Variants in VTI1A observed in about 807,000 individuals in gnomAD.
The protein encoded by VTI1A is vesicle transport through interaction with t-SNAREs homolog 1A.
A neutral mutation model predicts 34.9 loss-of-function variants in VTI1A; 22 were observed. The observed-to-expected ratio is 0.63, with a 90% CI of 0.45 to 0.90. The LOEUF is 0.90. Among genes scored for constraint, VTI1A ranks in the 40% least tolerant of loss-of-function variants. The probability of loss-of-function intolerance (pLI) is 0.00; values close to 1 mark genes in which losing one functional copy is unlikely to be tolerated. For synonymous variants in VTI1A, 87 were observed against 97.3 expected, an observed-to-expected ratio of 0.89 and a Z score of 0.62; for missense variants, 268 against 275.6, an observed-to-expected ratio of 0.97 and a Z score of 0.20.
intron 7 of VTI1A, among the ~76,000 whole-genome samples, chr10:112,791,551 G>A (rs1264889941): frequency 6.6e-6 from 1 of 152,044 alleles, no homozygotes; most frequent in East Asian, 1.9e-4. Flanking sequence ...TCTAAACAAG[G>A]TATTTTTCTT....
chr10:112,512,508 CTG>C (rs1849647107), intron 3 of VTI1A, among the ~76,000 whole-genome samples: 1 of 152,126 alleles, frequency 6.6e-6, no homozygotes. Flanking sequence ...TCTCTTCACT[CTG>C]TTGATTATTT....
At chr10:112,505,887 A>T (rs970747255) in intron 3 of VTI1A, among the ~76,000 whole-genome samples, 1 of 152,018 alleles carries the variant, frequency 6.6e-6, no homozygotes, top group Non-Finnish European at 1.5e-5. Flanking sequence ...TATTTATTAA[A>T]ATTTTAGTTA....
At chr10:112,833,788 C>G in the VTI1A span, among the ~76,000 whole-genome samples, 1 of 152,124 alleles carries the variant, frequency 6.6e-6, no homozygotes, top group Non-Finnish European at 1.5e-5. Flanking sequence ...CTACTGGTGC[C>G]ATGTTCAATC....
intron 3 of VTI1A, among the ~76,000 whole-genome samples, chr10:112,468,742 A>G (rs1481566820): frequency 6.6e-6 from 1 of 151,962 alleles, no homozygotes; most frequent in East Asian, 1.9e-4. Flanking sequence ...GTCTATACTG[A>G]CTGGTATTTG....
intron 7 of VTI1A, among the ~76,000 whole-genome samples, chr10:112,689,840 T>C (rs954664492): frequency 6.6e-6 from 1 of 152,164 alleles, no homozygotes; most frequent in Admixed American, 6.5e-5. Flanking sequence ...TGCAGCTGTG[T>C]TGCCTTGCTC....
rs549471453 is a variant in VTI1A at position 112,556,140 on chromosome 10, G to A, written c.427+17810G>A. 1.3e-4 allele frequency among the ~76,000 whole-genome samples: 17 copies of A among 126,776 alleles called. No individual in the cohort carries two copies. The South Asian group carries it at 3.0e-3, about 22-fold the overall frequency. 83.2% of individuals were successfully genotyped at this position (126,776 alleles called of 152,430 possible). A position where few individuals can be genotyped will look rare whatever the true frequency, so the allele number is the denominator to read the frequency against. Reference sequence around the variant, plus strand: ...AATAATCTGTGTAGATTGAGGTTTCGCATACACTTTTCATGTGGATAAACA... The same window carrying A: ...AATAATCTGTGTAGATTGAGGTTTCACATACACTTTTCATGTGGATAAACA... On this transcript the variant is annotated intron_variant, in intron 5 of 7. Transcript: ENST00000393077.
chr10:112,842,725 C>T, the VTI1A span, among the ~76,000 whole-genome samples: 3 of 152,150 alleles, frequency 2.0e-5, no homozygotes, highest in Admixed American at 6.5e-5. Context: ...ACACAGAAAA[C>T]GGGGAGCAAA....
intron 3 of VTI1A, among the ~76,000 whole-genome samples, chr10:112,486,622 A>G (rs1228085121): frequency 6.6e-6 from 1 of 152,126 alleles, no homozygotes; most frequent in Non-Finnish European, 1.5e-5. Context: ...CACTGTACAC[A>G]ATAATCATTA....
chr10:112,530,515 G>A (rs1258842761), intron 4 of VTI1A, among the ~76,000 whole-genome samples: 1 of 152,118 alleles, frequency 6.6e-6, no homozygotes, highest in Non-Finnish European at 1.5e-5. Context: ...ACTGTTCCAA[G>A]CTTTGATTTT....
At chr10:112,547,140 C>T (rs1851161034) in intron 5 of VTI1A, among the ~76,000 whole-genome samples, 1 of 151,898 alleles carries the variant, frequency 6.6e-6, no homozygotes, top group African/African-American at 2.4e-5. Flanking sequence ...ATTAGCTGTT[C>T]ATAATGGCAT....
chr10:112,813,007 G>T (rs1322347514), intron 7 of VTI1A, among the ~76,000 whole-genome samples: 2 of 152,138 alleles, frequency 1.3e-5, no homozygotes, highest in Non-Finnish European at 2.9e-5. Context: ...ATTCTTTCAC[G>T]ATCACTCTTT....
intron 4 of VTI1A, among the ~76,000 whole-genome samples, chr10:112,534,647 A>G (rs1176443134): frequency 2.0e-5 from 3 of 152,150 alleles, no homozygotes; most frequent in South Asian, 4.1e-4. Context: ...AATGAAGGGG[A>G]AAAATATACA....
At chr10:112,648,245 A>T (rs1846879167) in intron 5 of VTI1A, among the ~76,000 whole-genome samples, 2 of 152,208 alleles carry the variant, frequency 1.3e-5, no homozygotes, top group African/African-American at 4.8e-5. Context: ...AAACCTATCC[A>T]TTCTCCTTCC....
intron 7 of VTI1A, among the ~76,000 whole-genome samples, chr10:112,776,855 T>C (rs1851968720): frequency 6.6e-6 from 1 of 152,002 alleles, no homozygotes. Flanking sequence ...TTTTTGTATT[T>C]TTAGTATAGA....
At chr10:112,603,021 T>C (rs1844935266) in intron 5 of VTI1A, among the ~76,000 whole-genome samples, 1 of 152,244 alleles carries the variant, frequency 6.6e-6, no homozygotes, top group Non-Finnish European at 1.5e-5. Context: ...GAAGTGTTTG[T>C]TGTTAATAAT....
chr10:112,830,842 TA>T, the VTI1A span, among the ~76,000 whole-genome samples: 94 of 52,412 alleles, frequency 1.8e-3, 8 homozygotes, highest in African/African-American at 5.3e-3. Context: ...TATATATATA[TA>T]TATATATTTT....
chr10:112,604,665 C>T (rs562674005), intron 5 of VTI1A, among the ~76,000 whole-genome samples: 87 of 152,208 alleles, frequency 5.7e-4, no homozygotes, highest in Non-Finnish European at 1.0e-3. Context: ...TTCCTGTATA[C>T]GAGTCTATTA....
chr10:112,581,075 C>T (rs1843911006), intron 5 of VTI1A, among the ~76,000 whole-genome samples: 2 of 152,166 alleles, frequency 1.3e-5, no homozygotes, highest in South Asian at 4.1e-4. Context: ...CTCTATGGAT[C>T]ACACCAGTGG....
chr10:112,807,668 A>G (rs1434759171), intron 7 of VTI1A, among the ~76,000 whole-genome samples: 1 of 152,164 alleles, frequency 6.6e-6, no homozygotes, highest in Admixed American at 6.5e-5. Flanking sequence ...AGCCTGGCCA[A>G]CATGGTAAAA....
Sources: allele counts gnomAD v4.1 joint callset (sites outside exome capture counted in the v4.1 genomes callset), GRCh38; gene constraint gnomAD v4.1.1; transcripts MANE v1.5; gene names NCBI Gene and HGNC (gene_info 2026-07-23, HGNC 2026-07-21).